The following APBB1IP variants were observed in gnomAD, a reference collection of about 807,000 sequenced individuals.
APBB1IP encodes the protein amyloid beta A4 precursor protein-binding family B member 1-interacting protein.
In APBB1IP, 27 loss-of-function variants were observed where a neutral mutation model predicts 64.9. The ratio of observed to expected loss-of-function variants is 0.42; its 90% CI spans 0.31 to 0.57. The LOEUF is 0.57. Among genes scored for constraint, APBB1IP ranks in the 20% least tolerant of loss-of-function variants. The pLI is 0.20. For synonymous variants in APBB1IP, 392 were observed against 331.0 expected (o/e 1.18, Z -2.00); for missense variants, 812 against 845.5 (o/e 0.96, Z 0.49).
chr10:26,520,224 A>C (rs954381765), intron 8 of APBB1IP, among the ~76,000 whole-genome samples: 2 of 152,204 alleles, frequency 1.3e-5, no homozygotes, highest in Non-Finnish European at 2.9e-5. Context: ...ACACAGTATG[A>C]AAGCCCTCCT....
chr10:26,501,991 C>T (rs7895862), intron 5 of APBB1IP: 11 of 152,068 alleles, frequency 7.2e-5, no homozygotes, highest in Non-Finnish European at 1.0e-4. Flanking sequence ...AAATGGAGAT[C>T]GATATAGAAC....
At position 26,567,674 on chromosome 10, in the gene APBB1IP, A is replaced by G. The variant is rs1837075539; in HGVS notation, c.*186A>G. ...GTTCAGAATATCTGCCCAAATGTAC[A>G]TATCGTTCCCATGTATTTTAACCTA... On this transcript the variant is annotated 3_prime_UTR_variant, in exon 15 of 15. Transcript: ENST00000376236. The G allele has an allele frequency of 4.6e-6, 6 of 1,317,286 alleles. No individual in the cohort carries two copies. The South Asian group carries it at 5.5e-5, about 12-fold the overall frequency. The allele number at this position is 1,317,286 out of a possible 1,614,324, so 81.6% of individuals were successfully genotyped here. A position where few individuals can be genotyped will look rare whatever the true frequency, so the allele number is the denominator to read the frequency against.
intron 3 of APBB1IP, among the ~76,000 whole-genome samples, 197 bp downstream of exon 3, chr10:26,492,595 A>G (rs1835969430): frequency 6.6e-6 from 1 of 152,142 alleles, no homozygotes; most frequent in South Asian, 2.1e-4. Context: ...TACAAAAGAG[A>G]GAAATTTTAA....
In APBB1IP at chr10:26,567,476, C is replaced by T. The variant is rs1554781563; in HGVS notation, c.1989C>T (p.Gly663=). The change falls in exon 15 of 15, where the codon GGC becomes GGT. Residue 663 remains glycine (G), a synonymous_variant. Transcript: ENST00000376236. ...DLMKALQKKR[G]NVS ...TGAAAGCTTTGCAAAAGAAGAGAGG[C>T]AACGTGTCCTAGGGACGGGCATGAT... The T allele has an allele frequency of 6.3e-7, 1 of 1,582,342 alleles. No homozygotes were observed. Among genetic ancestry groups the T allele is most frequent in the South Asian group, 1.1e-5 (1 of 90,746 alleles).
intron 2 of APBB1IP, among the ~76,000 whole-genome samples, chr10:26,484,097 G>C (rs1167972099): frequency 2.0e-5 from 3 of 152,032 alleles, no homozygotes; most frequent in African/African-American, 7.3e-5. Flanking sequence ...TCTTAATACG[G>C]TGCTATAAGA....
chr10:26,532,988 C>T (rs925140035), intron 8 of APBB1IP, among the ~76,000 whole-genome samples: 28 of 152,186 alleles, frequency 1.8e-4, no homozygotes, highest in African/African-American at 6.8e-4. Flanking sequence ...CTTGATAAGC[C>T]AGAATCCCGC....
chr10:26,501,335 G>C (rs1836097296), intron 5 of APBB1IP: 1 of 578,984 alleles, frequency 1.7e-6, no homozygotes, highest in Non-Finnish European at 2.9e-6. Flanking sequence ...ATTTACTGTA[G>C]TTTGCTTAAA....
chr10:26,450,557 T>C (rs1428255201), intron 2 of APBB1IP, among the ~76,000 whole-genome samples: 2 of 152,208 alleles, frequency 1.3e-5, no homozygotes, highest in Admixed American at 1.3e-4. Context: ...TTTTTATTCT[T>C]TTCTTTATTC....
At chr10:26,497,505 C>T (rs1050577144) in intron 4 of APBB1IP, among the ~76,000 whole-genome samples, 2 of 148,610 alleles carry the variant, frequency 1.3e-5, no homozygotes, top group African/African-American at 4.9e-5. Flanking sequence ...GAGCTGAGAT[C>T]GCGCCACTGC....
chr10:26,518,977 A>G (rs1380198729), intron 8 of APBB1IP, among the ~76,000 whole-genome samples: 3 of 152,120 alleles, frequency 2.0e-5, no homozygotes, highest in Non-Finnish European at 4.4e-5. Flanking sequence ...CCATTCTCAC[A>G]CTGCTATAAA....
At chr10:26,538,321 A>G (rs1336791965) in intron 10 of APBB1IP, among the ~76,000 whole-genome samples, 2 of 152,216 alleles carry the variant, frequency 1.3e-5, no homozygotes, top group African/African-American at 2.4e-5. Flanking sequence ...ATTAAAAGAA[A>G]TGAAGTAGAA....
chr10:26,539,769 A>G (rs1232135177), intron 10 of APBB1IP, among the ~76,000 whole-genome samples: 1 of 152,230 alleles, frequency 6.6e-6, no homozygotes, highest in Admixed American at 6.5e-5. Context: ...AATAAGAAAA[A>G]GATAAACATA....
intron 8 of APBB1IP, among the ~76,000 whole-genome samples, chr10:26,528,246 A>G (rs1836503465): frequency 6.6e-6 from 1 of 152,184 alleles, no homozygotes; most frequent in East Asian, 1.9e-4. Context: ...GACAGCGAGC[A>G]GAGAACTGGG....
chr10:26,550,938 T>A (rs1300584048), intron 11 of APBB1IP, among the ~76,000 whole-genome samples: 2 of 152,188 alleles, frequency 1.3e-5, no homozygotes, highest in Non-Finnish European at 2.9e-5. Context: ...CTAGAGGGCC[T>A]CCTAAGTCCA....
chr10:26,562,310 A>G lies in APBB1IP; in HGVS notation c.1370-16A>G. ...ATGCTTTGCTCACTCTTCTTTTCTC[A>G]CTTCTTCCCTCTCAGGACCTAAAAC... On this transcript the variant is annotated splice_polypyrimidine_tract_variant and intron_variant, in intron 13 of 14. Coordinates refer to ENST00000376236, the MANE Select transcript of APBB1IP (RefSeq NM_019043.4). 1 of 1,586,032 alleles carries G rather than the reference A, an allele frequency of 6.3e-7. No individual in the cohort carries two copies.
At chr10:26,553,507 A>T (rs954262278) in intron 11 of APBB1IP, among the ~76,000 whole-genome samples, 5 of 152,082 alleles carry the variant, frequency 3.3e-5, no homozygotes, top group African/African-American at 1.2e-4. Context: ...TAAAAACATT[A>T]GCTGGGCATG....
Position 26,536,125 on chromosome 10 carries a change from T to C in APBB1IP, c.952T>C (p.Tyr318His). The change falls in exon 10 of 15, where the codon TAT becomes CAT. Residue 318 changes from tyrosine (Y) to histidine (H), a missense_variant. By Grantham distance (83) the Tyr-to-His change is moderately conservative. Around this residue, in one of 3 missense-constraint regions of APBB1IP, gnomAD observed 394 missense variants for 413.1 expected, o/e 0.95. Coordinates refer to ENST00000376236, the MANE Select transcript of APBB1IP (RefSeq NM_019043.4). ...IIVPELEGAL[Y>H]LKEDGKKSWK... ...TGTACCAGAACTGGAAGGAGCTCTTTATTTGAAAGAAGATGGAAAGAAATC... is the reference window on the plus strand; with the variant it reads ...TGTACCAGAACTGGAAGGAGCTCTTCATTTGAAAGAAGATGGAAAGAAATC... 1 of 1,608,610 alleles carries C rather than the reference T, an allele frequency of 6.2e-7. No individual in the cohort carries two copies. The highest frequency in any genetic ancestry group is 8.5e-7 in the Non-Finnish European group (1 of 1,178,110).
At chr10:26,544,480 AG>A (rs1836736086) in intron 11 of APBB1IP, among the ~76,000 whole-genome samples, 1 of 152,146 alleles carries the variant, frequency 6.6e-6, no homozygotes, top group Admixed American at 6.5e-5. Context: ...AGCATGGTCA[AG>A]TTTTCTACTG....
intron 2 of APBB1IP, among the ~76,000 whole-genome samples, chr10:26,472,979 A>T (rs1376688756): frequency 3.3e-5 from 5 of 152,134 alleles, no homozygotes; most frequent in African/African-American, 1.2e-4. Flanking sequence ...GCATACAGTT[A>T]TTCATAGAGG....
Sources: allele counts gnomAD v4.1 joint callset (sites outside exome capture counted in the v4.1 genomes callset), GRCh38; gene constraint gnomAD v4.1.1; regional missense constraint gnomAD v4.1.1; transcripts MANE v1.5; gene names NCBI Gene and HGNC (gene_info 2026-07-23, HGNC 2026-07-21).